The following CFAP210 variants were observed in gnomAD, a reference collection of about 807,000 sequenced individuals.
The protein encoded by CFAP210 is cilia and flagella associated protein 210, also known as cilia- and flagella- associated protein 210.
chr2:169,664,106 G>A, the CFAP210 span, among the ~76,000 whole-genome samples: 1 of 151,968 alleles, frequency 6.6e-6, no homozygotes, highest in Non-Finnish European at 1.5e-5. Flanking sequence ...GGCTGAGGCA[G>A]GAAATTGCTT....
the CFAP210 span, among the ~76,000 whole-genome samples, chr2:169,660,601 TATA>T: frequency 0.015 from 1,641 of 106,998 alleles, 10 homozygotes; most frequent in Non-Finnish European, 0.022. Context: ...TATATATATA[TATA>T]TTTTTTTTTT....
At chr2:169,658,262 T>C in the CFAP210 span, 1 of 152,418 alleles carries the variant, frequency 6.6e-6, no homozygotes, top group Non-Finnish European at 1.5e-5. Flanking sequence ...AAAGTTTGTG[T>C]TGGCTACCAT....
the CFAP210 span, chr2:169,675,124 G>T: frequency 1.0e-6 from 1 of 982,068 alleles, no homozygotes; most frequent in South Asian, 3.1e-5. Context: ...GATAATTTGA[G>T]CTTTTATGTT....
At chr2:169,647,304 G>C in the CFAP210 span, among the ~76,000 whole-genome samples, 2 of 152,000 alleles carry the variant, frequency 1.3e-5, no homozygotes, top group African/African-American at 4.8e-5. Flanking sequence ...TGAGGGAACA[G>C]AAAGAACCAC....
chr2:169,665,534 T>C, the CFAP210 span, among the ~76,000 whole-genome samples: 366 of 152,192 alleles, frequency 2.4e-3, no homozygotes, highest in African/African-American at 8.4e-3. Flanking sequence ...ATCTGGGCTA[T>C]TGGCATGAGG....
At chr2:169,650,426 A>ATATC in the CFAP210 span, 1 of 1,608,470 alleles carries the variant, frequency 6.2e-7, no homozygotes, top group Non-Finnish European at 8.5e-7. Context: ...AGCTTCTGCA[A>ATATC]TATCTCTAGC....
chr2:169,689,661 C>T, the CFAP210 span, among the ~76,000 whole-genome samples: 13,338 of 152,150 alleles, frequency 0.088, 627 homozygotes, highest in South Asian at 0.12. Context: ...ACAGAAGTGA[C>T]GAAAGCAGGC....
chr2:169,651,226 G>GAAAGA, the CFAP210 span, among the ~76,000 whole-genome samples: 1 of 102,060 alleles, frequency 9.8e-6, no homozygotes, highest in Non-Finnish European at 1.9e-5. Flanking sequence ...GACTCTGTCT[G>GAAAGA]AAAAAAAAAA....
chr2:169,649,587 T>G, the CFAP210 span, among the ~76,000 whole-genome samples: 1 of 152,246 alleles, frequency 6.6e-6, no homozygotes, highest in African/African-American at 2.4e-5. Context: ...TTGAAAAAGA[T>G]GAAAAGCAAG....
At chr2:169,662,838 G>A in the CFAP210 span, among the ~76,000 whole-genome samples, 5 of 152,226 alleles carry the variant, frequency 3.3e-5, no homozygotes, top group Admixed American at 2.6e-4. Flanking sequence ...CAGTTTGATG[G>A]AATGAAAGGA....
the CFAP210 span, among the ~76,000 whole-genome samples, chr2:169,665,913 C>T: frequency 6.6e-6 from 1 of 152,042 alleles, no homozygotes; most frequent in Non-Finnish European, 1.5e-5. Context: ...ATTAGGACTC[C>T]ACAGGGGACT....
the CFAP210 span, among the ~76,000 whole-genome samples, chr2:169,684,683 T>C: frequency 6.6e-6 from 1 of 152,194 alleles, no homozygotes; most frequent in African/African-American, 2.4e-5. Flanking sequence ...GAGATGAGTC[T>C]GTCTCCATCG....
the CFAP210 span, among the ~76,000 whole-genome samples, chr2:169,665,735 A>C: frequency 6.6e-6 from 1 of 152,156 alleles, no homozygotes; most frequent in East Asian, 1.9e-4. Context: ...TGCAGTACTG[A>C]TAACATCAAG....
At chr2:169,685,056 T>A in the CFAP210 span, among the ~76,000 whole-genome samples, 1 of 152,266 alleles carries the variant, frequency 6.6e-6, no homozygotes, top group Non-Finnish European at 1.5e-5. Context: ...TTTCCACCAT[T>A]TGACTATTAT....
At chr2:169,673,761 G>A in the CFAP210 span, among the ~76,000 whole-genome samples, 2,195 of 152,234 alleles carry the variant, frequency 0.014, 60 homozygotes, top group African/African-American at 0.05. Flanking sequence ...AAAGGGGCAT[G>A]AGGGAAATTT....
the CFAP210 span, chr2:169,662,539 G>A: frequency 1.0e-6 from 1 of 995,854 alleles, no homozygotes; most frequent in East Asian, 2.8e-5. Flanking sequence ...AAGCTGCAAG[G>A]AAAAATCTGT....
chr2:169,676,917 G>A, the CFAP210 span, among the ~76,000 whole-genome samples: 24 of 152,294 alleles, frequency 1.6e-4, no homozygotes, highest in Middle Eastern at 3.4e-3. Flanking sequence ...GGAAAGTAGG[G>A]TGGAGGGAGG....
the CFAP210 span, among the ~76,000 whole-genome samples, chr2:169,652,339 A>G: frequency 2.6e-5 from 4 of 152,222 alleles, no homozygotes; most frequent in Admixed American, 6.5e-5. Context: ...AAAAGGTGAC[A>G]TTTCTGGTAG....
the CFAP210 span, among the ~76,000 whole-genome samples, chr2:169,686,507 G>A: frequency 6.6e-6 from 1 of 152,182 alleles, no homozygotes; most frequent in African/African-American, 2.4e-5. Flanking sequence ...GAAGTGCAAG[G>A]TTGAGGGGCT....
Sources: gnomAD v4.1 joint callset for allele counts (sites outside exome capture counted in the v4.1 genomes callset) on GRCh38, gnomAD v4.1.1 for gene constraint, MANE v1.5 for transcripts, NCBI Gene and HGNC (gene_info 2026-07-23, HGNC 2026-07-21) for gene names.